Variants in GNAI1 observed in about 807,000 individuals in gnomAD.
GNAI1 encodes the protein guanine nucleotide-binding protein G(i) subunit alpha-1.
GNAI1 carries 11 observed loss-of-function variants against 38.9 expected under a neutral mutation model. The ratio of observed to expected loss-of-function variants is 0.28; its 90% CI spans 0.18 to 0.47. GNAI1 has a LOEUF of 0.47. GNAI1 is among the 20% of genes least tolerant of loss of function. The pLI is 0.99. For synonymous variants in GNAI1, 166 were observed against 145.1 expected (o/e 1.14, Z -1.04); for missense variants, 317 against 436.9 (o/e 0.73, Z 2.45).
intron 1 of GNAI1, among the ~76,000 whole-genome samples, chr7:80,178,837 C>T (rs1029938028): frequency 6.6e-6 from 1 of 152,028 alleles, no homozygotes; most frequent in Non-Finnish European, 1.5e-5. Flanking sequence ...TCATAGAAAT[C>T]GTTTCAGATT....
chr7:80,137,615 C>T (rs995952665), intron 1 of GNAI1, among the ~76,000 whole-genome samples: 5 of 152,156 alleles, frequency 3.3e-5, no homozygotes, highest in Admixed American at 3.3e-4. Context: ...CCACCTTGCC[C>T]GGCCAGAATT....
Position 80,136,637 on chromosome 7 carries a change from T to C in GNAI1, c.118+1359T>C, listed in dbSNP as rs150106438. ...AAGTTTTTACATTAATAAGAAATAC[T>C]GTGTTTTGATGAGGTTAGTGTATGT... On this transcript the variant is annotated intron_variant, in intron 1 of 7. Transcript: ENST00000649796. Among the ~76,000 whole-genome samples, 79 of 152,346 alleles carry C rather than the reference T, an allele frequency of 5.2e-4. 1 individual carries two copies. The East Asian group carries it at 0.015, about 28-fold the overall frequency.
At chr7:80,211,867 A>T (rs2115709702) in intron 6 of GNAI1, among the ~76,000 whole-genome samples, 1 of 152,330 alleles carries the variant, frequency 6.6e-6, no homozygotes, top group South Asian at 2.1e-4. Context: ...TGGGGGAAAA[A>T]GTAGAAATGT....
At position 80,226,141 on chromosome 7, in the gene GNAI1, GT is replaced by G. The variant is rs376299035; in HGVS notation, c.*8651del. Among the ~76,000 whole-genome samples, 1 of 151,962 alleles carries G rather than the reference GT, an allele frequency of 6.6e-6. No homozygotes were observed. The highest frequency in any genetic ancestry group is 2.4e-5 in the African/African-American group (1 of 41,370). ...TTTATATCAACTTAATTGTCTTTTG[GT>G]TTAAAATTATGTATCCAATAAAGAC... is the stretch of plus-strand genomic sequence containing the variant. On this transcript the variant is annotated 3_prime_UTR_variant, in exon 8 of 8. Coordinates refer to ENST00000649796, the MANE Select transcript of GNAI1 (RefSeq NM_002069.6).
chr7:80,191,496 A>G (rs1788479808), intron 3 of GNAI1, among the ~76,000 whole-genome samples: 1 of 152,142 alleles, frequency 6.6e-6, no homozygotes, highest in South Asian at 2.1e-4. Flanking sequence ...GGTTCAAGCA[A>G]TTCTCATGCC....
rs533556899 is a variant in GNAI1, at chr7:80,222,021, C to G, written c.*4528C>G. 6.6e-6 allele frequency among the ~76,000 whole-genome samples: 1 copy of G among 152,216 alleles called. No individual in the cohort carries two copies. Among genetic ancestry groups the G allele is most frequent in the East Asian group, 1.9e-4 (1 of 5,170 alleles). ...ATAAAGAAGTTTACGTTTCACAATC[C>G]CACTGGCCTGTTTCCCAGGCATTTT... On this transcript the variant is annotated 3_prime_UTR_variant, in exon 8 of 8. Coordinates refer to ENST00000649796, the MANE Select transcript of GNAI1 (RefSeq NM_002069.6).
Position 80,135,158 on chromosome 7 carries a change from A to C in GNAI1, c.-3A>C, listed in dbSNP as rs1193208163. 3 of 1,514,496 alleles carry C rather than the reference A, an allele frequency of 2.0e-6. No individual in the cohort carries two copies. The highest frequency in any genetic ancestry group is 2.7e-6 in the Non-Finnish European group (3 of 1,130,058). 93.8% of individuals were successfully genotyped at this position (1,514,496 alleles called of 1,614,324 possible). On this transcript the variant is annotated 5_prime_UTR_variant, in exon 1 of 8. Coordinates refer to ENST00000649796, the MANE Select transcript of GNAI1 (RefSeq NM_002069.6). ...GCGGCGGCAGGCTCTCGCTTTCGGCACCATGGGCTGCACGCTGAGCGCCGA... is the reference window on the plus strand; with the variant it reads ...GCGGCGGCAGGCTCTCGCTTTCGGCCCCATGGGCTGCACGCTGAGCGCCGA...
intron 5 of GNAI1, among the ~76,000 whole-genome samples, chr7:80,204,581 G>A (rs1431996055): frequency 6.6e-6 from 1 of 152,148 alleles, no homozygotes; most frequent in Non-Finnish European, 1.5e-5. Flanking sequence ...GAAATATAAT[G>A]TTTTCATTTG....
intron 1 of GNAI1, among the ~76,000 whole-genome samples, chr7:80,157,068 C>A (rs532669850): frequency 6.6e-6 from 1 of 152,196 alleles, no homozygotes; most frequent in Non-Finnish European, 1.5e-5. Context: ...TAGAATCACA[C>A]GGAGTAGTTT....
rs535922715 is a variant in GNAI1, at chr7:80,186,067, CTG to C, written c.119-2882_119-2881del. Among the ~76,000 whole-genome samples the C allele has an allele frequency of 3.6e-3, 457 of 128,226 alleles. 1 individual carries two copies. Among genetic ancestry groups the C allele is most frequent in the African/African-American group, 0.013 (435 of 32,382 alleles). 84.1% of individuals were successfully genotyped at this position (128,226 alleles called of 152,430 possible). On this transcript the variant is annotated intron_variant, in intron 1 of 7. Transcript: ENST00000649796. ...TTTTTTTTTGAGACGGAGTCTCACT[CTG>C]TTGCCCAGGCTGGAGTGCAGCGGCA...
intron 1 of GNAI1, among the ~76,000 whole-genome samples, chr7:80,162,404 TA>T (rs1787940334): frequency 6.6e-6 from 1 of 152,180 alleles, no homozygotes; most frequent in Admixed American, 6.5e-5. Flanking sequence ...AAGTTTGTAT[TA>T]TTTTACTCAT....
chr7:80,143,417 T>A (rs572252750), intron 1 of GNAI1, among the ~76,000 whole-genome samples: 257 of 152,326 alleles, frequency 1.7e-3, no homozygotes, highest in African/African-American at 6.0e-3. Context: ...TTCATGTATT[T>A]CTGAACCTAC....
chr7:80,137,312 C>CTTTTTTTTTTTTTTTTTTTT (rs1787435883), intron 1 of GNAI1, among the ~76,000 whole-genome samples: 2 of 66,960 alleles, frequency 3.0e-5, no homozygotes, highest in African/African-American at 5.5e-5. Flanking sequence ...TTTTTCTTTT[C>CTTTTTTTTTTTTTTTTTTTT]TTTTCTTTTT....
chr7:80,201,601 G>A (rs937340797), intron 4 of GNAI1, among the ~76,000 whole-genome samples: 1 of 152,056 alleles, frequency 6.6e-6, no homozygotes, highest in Non-Finnish European at 1.5e-5. Context: ...GCCCATCCCT[G>A]TAGTCCTAGC....
chr7:80,172,714 A>C (rs1197445947), intron 1 of GNAI1, among the ~76,000 whole-genome samples: 1 of 152,150 alleles, frequency 6.6e-6, no homozygotes, highest in Non-Finnish European at 1.5e-5. Context: ...CTTAAGAATT[A>C]TCTCACCTTT....
At chr7:80,193,447 A>G (rs1176820079) in intron 3 of GNAI1, among the ~76,000 whole-genome samples, 1 of 152,240 alleles carries the variant, frequency 6.6e-6, no homozygotes, top group African/African-American at 2.4e-5. Flanking sequence ...CAAGGCTTGC[A>G]TAGAGCAGTC....
chr7:80,151,668 G>C (rs1043912734), intron 1 of GNAI1, among the ~76,000 whole-genome samples: 1 of 152,170 alleles, frequency 6.6e-6, no homozygotes, highest in Non-Finnish European at 1.5e-5. Context: ...TCCCCACCAA[G>C]TGGCTGCATT....
In GNAI1 at chr7:80,203,684, TTTTG is replaced by T. The variant is rs1462810879; in HGVS notation, c.462-16_462-13del. ...GGCTATATTTACCATTAACATGTTGTTTTGTTTAATTTTTTTCAGCTATTTGAAT... is the reference window on the plus strand; with the variant it reads ...GGCTATATTTACCATTAACATGTTGTTTTAATTTTTTTCAGCTATTTGAAT... On this transcript the variant is annotated splice_polypyrimidine_tract_variant and intron_variant, in intron 4 of 7. Coordinates refer to ENST00000649796, the MANE Select transcript of GNAI1 (RefSeq NM_002069.6). The T allele has an allele frequency of 2.6e-6, 4 of 1,518,392 alleles. No individual in the cohort carries two copies. The East Asian group carries it at 6.9e-5, about 26-fold the overall frequency. The allele number at this position is 1,518,392 out of a possible 1,614,324, so 94.1% of individuals were successfully genotyped here. A position where few individuals can be genotyped will look rare whatever the true frequency, so the allele number is the denominator to read the frequency against.
chr7:80,189,072 T>C lies in GNAI1; in HGVS notation c.162-18T>C. 6.2e-7 allele frequency: 1 copy of C among 1,604,150 alleles called. No homozygotes were observed. The highest frequency in any genetic ancestry group is 8.5e-7 in the Non-Finnish European group (1 of 1,174,050). On this transcript the variant is annotated intron_variant, in intron 2 of 7. Coordinates refer to ENST00000649796, the MANE Select transcript of GNAI1 (RefSeq NM_002069.6). The stretch of plus-strand genomic sequence containing the variant: ...AAAGGAAGTAAATAATTCTTTTTTT[T>C]CCCTTTTGTCTCATTAGAATTATCC...
Sources: allele counts gnomAD v4.1 joint callset (sites outside exome capture counted in the v4.1 genomes callset), GRCh38; gene constraint gnomAD v4.1.1; transcripts MANE v1.5; gene names NCBI Gene and HGNC (gene_info 2026-07-23, HGNC 2026-07-21).